Variants in GPC5 observed in about 807,000 individuals in gnomAD.
GPC5 encodes the protein glypican 5.
GPC5 carries 47 observed loss-of-function variants against 53.9 expected under a neutral mutation model. That is an observed-to-expected ratio of 0.87 (90% CI 0.69 to 1.11). The LOEUF is 1.11. Among genes scored for constraint, GPC5 ranks in the 50% most tolerant of loss-of-function variants. GPC5 has a pLI of 0.00. For synonymous variants in GPC5, 286 were observed against 263.3 expected, an observed-to-expected ratio of 1.09 and a Z score of -0.84; for missense variants, 748 against 713.1, an observed-to-expected ratio of 1.05 and a Z score of -0.56.
At chr13:91,594,276 A>G (rs2032911337) in intron 2 of GPC5, among the ~76,000 whole-genome samples, 1 of 152,222 alleles carries the variant, frequency 6.6e-6, no homozygotes. Flanking sequence ...TGGTGAAAAA[A>G]GAGGCCTTCG....
At chr13:92,219,103 A>G (rs1190241863) in intron 7 of GPC5, among the ~76,000 whole-genome samples, 4 of 151,950 alleles carry the variant, frequency 2.6e-5, no homozygotes. Context: ...GTTTTCTCCC[A>G]TTGTGTTGAG....
intron 5 of GPC5, among the ~76,000 whole-genome samples, chr13:91,798,776 T>G (rs555837029): frequency 6.6e-6 from 1 of 152,254 alleles, no homozygotes; most frequent in Admixed American, 6.5e-5. Flanking sequence ...CCTCTAGATC[T>G]TTTAGAAATT....
intron 7 of GPC5, among the ~76,000 whole-genome samples, chr13:92,743,183 C>T (rs1472723428): frequency 1.3e-5 from 2 of 151,878 alleles, no homozygotes; most frequent in African/African-American, 4.8e-5. Context: ...GGCAGTATGG[C>T]CATTTTCACG....
At chr13:92,369,945 A>G (rs1023721762) in intron 7 of GPC5, among the ~76,000 whole-genome samples, 1 of 152,336 alleles carries the variant, frequency 6.6e-6, no homozygotes, top group East Asian at 1.9e-4. Flanking sequence ...TGGTGCTTAT[A>G]TATGATTCAT....
intron 4 of GPC5, among the ~76,000 whole-genome samples, chr13:91,746,003 T>C (rs1425977209): frequency 2.0e-5 from 3 of 152,188 alleles, no homozygotes; most frequent in Non-Finnish European, 4.4e-5. Context: ...CTCTAAATAT[T>C]TTGTCAAATA....
chr13:92,229,135 C>G (rs917461271), intron 7 of GPC5, among the ~76,000 whole-genome samples: 4 of 151,834 alleles, frequency 2.6e-5, no homozygotes, highest in African/African-American at 9.7e-5. Context: ...TATAATAACC[C>G]TACATTAGGC....
intron 2 of GPC5, among the ~76,000 whole-genome samples, chr13:91,677,294 A>G (rs531593790): frequency 6.6e-6 from 1 of 152,166 alleles, no homozygotes; most frequent in Non-Finnish European, 1.5e-5. Context: ...CTTTTTAATG[A>G]TTTTCAAATA....
rs564774059 is a variant in GPC5 at position 92,296,438 on chromosome 13, G to C, written c.1561+151449G>C. On this transcript the variant is annotated intron_variant, in intron 7 of 7. Transcript: ENST00000377067. ...GGCAGGTCTTGCTGCTGCTGCTGTG[G>C]GGGATGGGGGTGAGATTCCCAGGTC... 2.6e-5 allele frequency among the ~76,000 whole-genome samples: 4 copies of C among 152,238 alleles called. No individual in the cohort carries two copies. In the East Asian group the frequency reaches 7.7e-4, roughly 29 times the overall value.
intron 5 of GPC5, among the ~76,000 whole-genome samples, chr13:91,871,940 A>G (rs1057159568): frequency 2.6e-5 from 4 of 152,144 alleles, no homozygotes; most frequent in Non-Finnish European, 5.9e-5. Flanking sequence ...AATAAAATAC[A>G]TAGGTCACCG....
At chr13:92,725,004 C>T (rs1888604854) in intron 7 of GPC5, among the ~76,000 whole-genome samples, 1 of 151,226 alleles carries the variant, frequency 6.6e-6, no homozygotes, top group African/African-American at 2.4e-5. Context: ...TATTAAAAAG[C>T]TTCATATGTA....
chr13:92,126,609 T>G (rs750513247), intron 6 of GPC5, among the ~76,000 whole-genome samples: 1 of 152,196 alleles, frequency 6.6e-6, no homozygotes, highest in Non-Finnish European at 1.5e-5. Context: ...TCATTCATTA[T>G]GTAATGTCTA....
intron 6 of GPC5, among the ~76,000 whole-genome samples, chr13:92,090,196 G>A (rs1041771531): frequency 9.2e-5 from 14 of 152,086 alleles, no homozygotes; most frequent in Admixed American, 3.9e-4. Flanking sequence ...ATCATCATAC[G>A]TACAACTTTT....
intron 7 of GPC5, among the ~76,000 whole-genome samples, chr13:92,418,161 T>A (rs1387850754): frequency 6.6e-6 from 1 of 152,072 alleles, no homozygotes; most frequent in Non-Finnish European, 1.5e-5. Flanking sequence ...GGCTGGGATG[T>A]GGGAAAGATA....
chr13:92,220,958 TG>T (rs754439328), intron 7 of GPC5, among the ~76,000 whole-genome samples: 1 of 152,160 alleles, frequency 6.6e-6, no homozygotes, highest in Non-Finnish European at 1.5e-5. Context: ...GTGGAGGTTG[TG>T]TATTTCCCCA....
intron 2 of GPC5, among the ~76,000 whole-genome samples, chr13:91,487,965 C>A (rs1275244148): frequency 6.7e-6 from 1 of 148,836 alleles, no homozygotes; most frequent in Non-Finnish European, 1.5e-5. Flanking sequence ...TACAATATGA[C>A]TAAGGAGATA....
chr13:92,215,137 T>C (rs1226964286), intron 7 of GPC5, among the ~76,000 whole-genome samples: 2 of 152,178 alleles, frequency 1.3e-5, no homozygotes, highest in African/African-American at 2.4e-5. Context: ...CAAAGTATTA[T>C]GCTAGCAGGA....
At chr13:92,050,893 G>A (rs952029586) in intron 6 of GPC5, among the ~76,000 whole-genome samples, 1 of 152,164 alleles carries the variant, frequency 6.6e-6, no homozygotes, top group Non-Finnish European at 1.5e-5. Context: ...TTGGAGTATA[G>A]CAATGCTTAA....
chr13:92,624,671 G>A (rs1166179893), intron 7 of GPC5, among the ~76,000 whole-genome samples: 1 of 152,128 alleles, frequency 6.6e-6, no homozygotes, highest in Non-Finnish European at 1.5e-5. Flanking sequence ...TGGTCAGATG[G>A]CACATGCTGA....
At chr13:91,821,532 A>G (rs1189288447) in intron 5 of GPC5, among the ~76,000 whole-genome samples, 1 of 152,190 alleles carries the variant, frequency 6.6e-6, no homozygotes. Flanking sequence ...AATCAAAGTA[A>G]TAATTTTAGT....
Sources: allele counts gnomAD v4.1 joint callset (sites outside exome capture counted in the v4.1 genomes callset), GRCh38; gene constraint gnomAD v4.1.1; transcripts MANE v1.5; gene names NCBI Gene and HGNC (gene_info 2026-07-23, HGNC 2026-07-21).